Variants in PTK2B observed in about 807,000 individuals in gnomAD.
The protein encoded by PTK2B is protein-tyrosine kinase 2-beta.
In PTK2B, 71 loss-of-function variants were observed where a neutral mutation model predicts 142.9. The ratio of observed to expected loss-of-function variants is 0.50; its 90% confidence interval spans 0.41 to 0.61. The LOEUF is 0.61. PTK2B is among the 20% of genes least tolerant of loss of function. The pLI is 0.00. For missense variants in PTK2B, 1,105 were observed against 1,320.4 expected, an observed-to-expected ratio of 0.84 and a Z score of 2.53; for synonymous variants, 519 against 503.4, an observed-to-expected ratio of 1.03 and a Z score of -0.42.
Position 27,454,528 on chromosome 8 carries a change from C to G in PTK2B, c.2734-3C>G. On this transcript the variant is annotated splice_region_variant and splice_polypyrimidine_tract_variant and intron_variant, in intron 29 of 30. Coordinates refer to ENST00000346049, the MANE Select transcript of PTK2B (RefSeq NM_173176.3). ...CGGCCATCCTGCCCCTTTCTCCCCC[C>G]AGAATGTGGGGCTGACCCTGCGGAA... is the stretch of plus-strand genomic sequence containing the variant. 6.2e-7 allele frequency: 1 copy of G among 1,614,048 alleles called. No individual in the cohort carries two copies. Among genetic ancestry groups the G allele is most frequent in the Non-Finnish European group, 8.5e-7 (1 of 1,179,906 alleles).
chr8:27,379,917 A>G (rs1806908977), intron 1 of PTK2B, among the ~76,000 whole-genome samples: 1 of 152,006 alleles, frequency 6.6e-6, no homozygotes, highest in Non-Finnish European at 1.5e-5. Flanking sequence ...ATTTTTTTGT[A>G]TTTTAGTAGA....
chr8:27,434,181 T>G, intron 12 of PTK2B, 49 bp downstream of exon 12: 2 of 1,590,676 alleles, frequency 1.3e-6, no homozygotes, highest in Non-Finnish European at 1.7e-6. Context: ...CAGCCTGTGC[T>G]GCTGAGAGGA....
intron 1 of PTK2B, among the ~76,000 whole-genome samples, chr8:27,370,974 C>T (rs1468839833): frequency 6.6e-6 from 1 of 152,076 alleles, no homozygotes; most frequent in Non-Finnish European, 1.5e-5. Flanking sequence ...CGGCTTACTG[C>T]AGCCTCTGCC....
intron 1 of PTK2B, among the ~76,000 whole-genome samples, chr8:27,383,661 T>C (rs1181800880): frequency 1.3e-5 from 2 of 152,076 alleles, no homozygotes. Flanking sequence ...TATTTTATTA[T>C]GATTTTTGTA....
chr8:27,319,754 T>A (rs1166099469), intron 3 of PTK2B, among the ~76,000 whole-genome samples: 1 of 151,806 alleles, frequency 6.6e-6, no homozygotes, highest in Non-Finnish European at 1.5e-5. Flanking sequence ...TTTTCTAACA[T>A]CCCATAAGGT....
At chr8:27,386,513 T>G (rs565459505) in intron 1 of PTK2B, among the ~76,000 whole-genome samples, 45 of 152,328 alleles carry the variant, frequency 3.0e-4, no homozygotes, top group Admixed American at 1.8e-3. Flanking sequence ...TTGTTTTTAT[T>G]AGCATTTTCA....
At chr8:27,318,586 C>T (rs768081726) in intron 3 of PTK2B, among the ~76,000 whole-genome samples, 33 of 152,176 alleles carry the variant, frequency 2.2e-4, no homozygotes, top group Non-Finnish European at 2.9e-4. Context: ...CCAATAGCTG[C>T]GGAAACCATG....
At chr8:27,412,351 A>G (rs1809120454) in intron 2 of PTK2B, among the ~76,000 whole-genome samples, 1 of 152,146 alleles carries the variant, frequency 6.6e-6, no homozygotes, top group Admixed American at 6.6e-5. Context: ...GAATCACCTC[A>G]TTAGTATAGA....
chr8:27,312,038 C>T (rs1802987289), intron 1 of PTK2B, among the ~76,000 whole-genome samples: 1 of 152,112 alleles, frequency 6.6e-6, no homozygotes, highest in Non-Finnish European at 1.5e-5. Context: ...CCCATTAAAA[C>T]AGTGAAATTG....
rs189817494 is a variant in PTK2B at position 27,459,169 on chromosome 8, C to G, written c.*660C>G. 2 of 237,100 alleles carry G rather than the reference C, an allele frequency of 8.4e-6. No homozygotes were observed. The highest frequency in any genetic ancestry group is 6.0e-5 in the East Asian group (1 of 16,598). The allele number at this position is 237,100 out of a possible 1,614,324, so 14.7% of individuals were successfully genotyped here. On this transcript the variant is annotated 3_prime_UTR_variant, in exon 31 of 31. Coordinates refer to ENST00000346049, the MANE Select transcript of PTK2B (RefSeq NM_173176.3). ...ATCAGGGGGAAGAAGCAGAGAGATG[C>G]GGCCAAGATAGGACCTTGGGCCAAA...
intron 3 of PTK2B, 57 bp from the exon 4 acceptor site, chr8:27,420,600 C>T (rs754378687): frequency 1.3e-6 from 2 of 1,538,428 alleles, no homozygotes; most frequent in Admixed American, 1.7e-5. Flanking sequence ...GGGTCCTACT[C>T]CTTTCTTCAG....
upstream of PTK2B, chr8:27,311,229 G>C (rs753008590): frequency 6.5e-7 from 1 of 1,541,452 alleles, no homozygotes; most frequent in Non-Finnish European, 8.8e-7. Context: ...TCGGGACTCC[G>C]CTCCATGGCA....
chr8:27,414,439 G>A (rs539023688), intron 2 of PTK2B, among the ~76,000 whole-genome samples: 2 of 152,034 alleles, frequency 1.3e-5, no homozygotes, highest in Non-Finnish European at 2.9e-5. Flanking sequence ...GTAGAGACGG[G>A]GTTTCACCAT....
At chr8:27,395,764 T>C (rs1808007740) in intron 1 of PTK2B, among the ~76,000 whole-genome samples, 1 of 152,194 alleles carries the variant, frequency 6.6e-6, no homozygotes, top group South Asian at 2.1e-4. Flanking sequence ...AAGCGATAAC[T>C]CACTTGATCA....
chr8:27,352,770 C>T (rs1805172411), intron 1 of PTK2B, among the ~76,000 whole-genome samples: 1 of 152,188 alleles, frequency 6.6e-6, no homozygotes, highest in African/African-American at 2.4e-5. Context: ...CTGTTGCCAT[C>T]CATGTAAGAC....
chr8:27,351,604 T>G (rs111807246), intron 1 of PTK2B, among the ~76,000 whole-genome samples: 1 of 151,974 alleles, frequency 6.6e-6, no homozygotes, highest in African/African-American at 2.4e-5. Flanking sequence ...AAAAATAAAT[T>G]AATTAATAAA....
chr8:27,434,989 A>T (rs140742992), intron 13 of PTK2B, among the ~76,000 whole-genome samples: 107 of 151,200 alleles, frequency 7.1e-4, no homozygotes, highest in African/African-American at 2.3e-3. Context: ...ACCCAGCAAG[A>T]CTCCATCTCA....
chr8:27,405,086 G>A (rs1224531113), intron 2 of PTK2B, among the ~76,000 whole-genome samples: 2 of 123,568 alleles, frequency 1.6e-5, no homozygotes, highest in Non-Finnish European at 3.4e-5. Flanking sequence ...TGTGAGGACA[G>A]AAGGAGAAGG....
At chr8:27,413,630 G>A (rs931132467) in intron 2 of PTK2B, among the ~76,000 whole-genome samples, 2 of 152,180 alleles carry the variant, frequency 1.3e-5, no homozygotes, top group East Asian at 1.9e-4. Context: ...CAGGAAGCCC[G>A]CTGTGCTTAC....
Sources: allele counts gnomAD v4.1 joint callset (sites outside exome capture counted in the v4.1 genomes callset), GRCh38; gene constraint gnomAD v4.1.1; transcripts MANE v1.5; gene names NCBI Gene and HGNC (gene_info 2026-07-23, HGNC 2026-07-21).